CD226: variants seen among roughly 807,000 people sequenced by gnomAD.
CD226 encodes the protein CD226 molecule, also known as CD226 antigen.
Under a neutral mutation model 34.9 loss-of-function variants are expected in CD226, and 24 were observed. That is an observed-to-expected ratio of 0.69 (90% confidence interval 0.50 to 0.97). The LOEUF is 0.97. Ranked by LOEUF, CD226 falls within the 50% of genes least tolerant of loss-of-function variation. The probability of loss-of-function intolerance (pLI) is 0.00; values close to 1 mark genes in which losing one functional copy is unlikely to be tolerated. For missense variants in CD226, 397 were observed against 412.7 expected (o/e 0.96, Z 0.33); for synonymous variants, 148 against 147.4 (o/e 1.00, Z -0.03).
intron 2 of CD226, among the ~76,000 whole-genome samples, chr18:69,902,008 G>C (rs1042163971): frequency 1.3e-5 from 2 of 152,092 alleles, no homozygotes; most frequent in Non-Finnish European, 2.9e-5. Context: ...CATCCAATCA[G>C]TATTAATGTG....
intron 3 of CD226, among the ~76,000 whole-genome samples, chr18:69,875,094 C>A (rs1010695646): frequency 2.0e-5 from 3 of 151,960 alleles, no homozygotes; most frequent in African/African-American, 7.3e-5. Context: ...TATATAATAC[C>A]CATCAGATTG....
At chr18:69,935,059 C>G (rs2055635608) in intron 2 of CD226, among the ~76,000 whole-genome samples, 1 of 152,186 alleles carries the variant, frequency 6.6e-6, no homozygotes, top group Non-Finnish European at 1.5e-5. Flanking sequence ...TCGACGCTAC[C>G]TAAACCATCA....
chr18:69,900,650 T>C (rs987912065), intron 2 of CD226, among the ~76,000 whole-genome samples: 8 of 146,126 alleles, frequency 5.5e-5, no homozygotes, highest in East Asian at 2.0e-4. Flanking sequence ...GAGAATGGCG[T>C]GAACCCGGGA....
chr18:69,945,858 C>T (rs2055782412), intron 2 of CD226, among the ~76,000 whole-genome samples: 3 of 152,088 alleles, frequency 2.0e-5, no homozygotes, highest in East Asian at 3.9e-4. Flanking sequence ...GGAGAAGTCA[C>T]GTCTTACATG....
At chr18:69,880,177 A>C (rs1984131472) in intron 3 of CD226, among the ~76,000 whole-genome samples, 1 of 148,670 alleles carries the variant, frequency 6.7e-6, no homozygotes, top group Non-Finnish European at 1.5e-5. Flanking sequence ...GAGGAAAGGA[A>C]TGGAAGGGAA....
Position 69,935,260 on chromosome 18 carries a change from A to C in CD226, c.382+11474T>G, listed in dbSNP as rs1289368183. On this transcript the variant is annotated intron_variant, in intron 2 of 5. Coordinates refer to ENST00000582621, the MANE Select transcript of CD226 (RefSeq NM_001303618.2). ...ATTTATAATGTTACTTTCAGTTAAT[A>C]ATGTGATCTGTTAAGAGGTAAATTC... Among the ~76,000 whole-genome samples the C allele has an allele frequency of 4.6e-5, 7 of 152,240 alleles. 1 individual carries two copies. Among genetic ancestry groups the C allele is most frequent in the Non-Finnish European group, 1.0e-4 (7 of 68,042 alleles).
In CD226 at chr18:69,861,387, C is replaced by T. The variant is rs1344766529; in HGVS notation, c.*2927G>A. ...TCATCATAGTTCAATAAGATGTGTT[C>T]TTTCCCTGACAAAACTGTGTACTCC... On this transcript the variant is annotated 3_prime_UTR_variant, in exon 6 of 6. Coordinates refer to ENST00000582621, the MANE Select transcript of CD226 (RefSeq NM_001303618.2). 6.6e-6 allele frequency: 1 copy of T among 151,060 alleles called. No individual in the cohort carries two copies. Among genetic ancestry groups the T allele is most frequent in the African/African-American group, 2.4e-5 (1 of 41,306 alleles). The allele number at this position is 151,060 out of a possible 1,614,324, so 9.4% of individuals were successfully genotyped here. A position where few individuals can be genotyped will look rare whatever the true frequency, so the allele number is the denominator to read the frequency against.
intron 2 of CD226, among the ~76,000 whole-genome samples, chr18:69,908,306 C>T (rs144273025): frequency 1.3e-5 from 2 of 152,346 alleles, no homozygotes; most frequent in Admixed American, 6.5e-5. Context: ...TGTTACTCCA[C>T]CATGTTTCAA....
intron 4 of CD226, among the ~76,000 whole-genome samples, chr18:69,870,779 G>A (rs930157858): frequency 6.6e-6 from 1 of 152,152 alleles, no homozygotes; most frequent in Non-Finnish European, 1.5e-5. Flanking sequence ...ATTTATGTTG[G>A]CTTCTATCCA....
At chr18:69,866,632 C>T (rs1983164043) in intron 5 of CD226, among the ~76,000 whole-genome samples, 1 of 152,150 alleles carries the variant, frequency 6.6e-6, no homozygotes, top group Non-Finnish European at 1.5e-5. Flanking sequence ...TCACAATAAC[C>T]TTATGACATA....
chr18:69,878,820 T>C (rs1327222977), intron 3 of CD226, among the ~76,000 whole-genome samples: 2 of 152,140 alleles, frequency 1.3e-5, no homozygotes, highest in African/African-American at 4.8e-5. Flanking sequence ...CAATTCCTGG[T>C]CAAGAAACAA....
intron 5 of CD226, among the ~76,000 whole-genome samples, chr18:69,865,055 C>T (rs1182765825): frequency 6.6e-6 from 1 of 152,196 alleles, no homozygotes; most frequent in Non-Finnish European, 1.5e-5. Flanking sequence ...TGCAGTGGCG[C>T]AATCTAGGCT....
At chr18:69,934,677 T>C (rs767526107) in intron 2 of CD226, among the ~76,000 whole-genome samples, 4 of 152,194 alleles carry the variant, frequency 2.6e-5, no homozygotes, top group Non-Finnish European at 5.9e-5. Flanking sequence ...GAAGATTTTT[T>C]TAAAGTGTAA....
rs191661933 is a variant in CD226 at position 69,879,241 on chromosome 18, C to G, written c.728-5995G>C. 1.7e-3 allele frequency among the ~76,000 whole-genome samples: 263 copies of G among 152,296 alleles called. 2 individuals carry two copies. The highest frequency in any genetic ancestry group is 2.0e-3 in the Admixed American group (31 of 15,300). On this transcript the variant is annotated intron_variant, in intron 3 of 5. Transcript: ENST00000582621. ...CAGGGTTCAAGAGCAGAGAACCAGT[C>G]TGACTAGAATTCGCCAGGCTGGAAT...
At chr18:69,933,650 G>T (rs1196915260) in intron 2 of CD226, among the ~76,000 whole-genome samples, 3 of 152,128 alleles carry the variant, frequency 2.0e-5, no homozygotes, top group Non-Finnish European at 2.9e-5. Context: ...ACAGATTTAG[G>T]TAAGATTTAC....
upstream of CD226, among the ~76,000 whole-genome samples, chr18:69,949,668 T>C (rs527409766): frequency 6.6e-6 from 1 of 152,056 alleles, no homozygotes; most frequent in African/African-American, 2.4e-5. Flanking sequence ...CTCCCAAACA[T>C]GCATGCACTC....
chr18:69,862,320 T>C lies in CD226; in HGVS notation c.*1994A>G, dbSNP rs1437174203. 4 of 152,198 alleles carry C rather than the reference T, an allele frequency of 2.6e-5. No homozygotes were observed. The highest frequency in any genetic ancestry group is 9.6e-5 in the African/African-American group (4 of 41,470). The allele number at this position is 152,198 out of a possible 1,614,324, so 9.4% of individuals were successfully genotyped here. On this transcript the variant is annotated 3_prime_UTR_variant, in exon 6 of 6. Transcript: ENST00000582621. ...TTTCCAGAAAGTAATATTTTGATTGTCTTTACCATTCAGAAAAGAAATTAT... is the reference window on the plus strand; with the variant it reads ...TTTCCAGAAAGTAATATTTTGATTGCCTTTACCATTCAGAAAAGAAATTAT...
intron 4 of CD226, among the ~76,000 whole-genome samples, chr18:69,870,685 G>T (rs1216149120): frequency 6.6e-6 from 1 of 152,218 alleles, no homozygotes; most frequent in Non-Finnish European, 1.5e-5. Flanking sequence ...ACCAGGAGCA[G>T]AGAAGCTGCC....
chr18:69,927,371 C>G (rs2055534445), intron 2 of CD226, among the ~76,000 whole-genome samples: 1 of 151,032 alleles, frequency 6.6e-6, no homozygotes, highest in African/African-American at 2.4e-5. Flanking sequence ...ACTACACACA[C>G]ACACACACAC....
Sources: gnomAD v4.1 joint callset for allele counts (sites outside exome capture counted in the v4.1 genomes callset) on GRCh38, gnomAD v4.1.1 for gene constraint, MANE v1.5 for transcripts, NCBI Gene and HGNC (gene_info 2026-07-23, HGNC 2026-07-21) for gene names.